Variants in ILDR1 observed in about 807,000 individuals in gnomAD.
The protein encoded by ILDR1 is immunoglobulin like domain containing receptor 1.
ILDR1 carries 56 observed loss-of-function variants against 62.4 expected under a neutral mutation model. The ratio of observed to expected loss-of-function variants is 0.90; its 90% CI spans 0.72 to 1.12. ILDR1 has a LOEUF of 1.12. Among genes scored for constraint, ILDR1 ranks in the 50% most tolerant of loss-of-function variants. The pLI, the probability that ILDR1 is intolerant of heterozygous loss-of-function variation, is 0.00. For synonymous variants in ILDR1, 284 were observed against 277.8 expected (o/e 1.02, Z -0.22); for missense variants, 736 against 710.6 (o/e 1.04, Z -0.41).
chr3:121,992,026 T>C (rs1048324630), intron 7 of ILDR1, among the ~76,000 whole-genome samples: 2 of 152,260 alleles, frequency 1.3e-5, no homozygotes, highest in African/African-American at 4.8e-5. Flanking sequence ...AAGATCTTCA[T>C]GGGTAGCCTG....
At chr3:121,997,393 T>C (rs1806655) in intron 5 of ILDR1, among the ~76,000 whole-genome samples, 18,323 of 152,246 alleles carry the variant, frequency 0.12, 1,192 homozygotes, top group Middle Eastern at 0.22. Context: ...AACCAGGCAA[T>C]TGACCTCAAA....
At chr3:121,999,390 T>C (rs1294378184) in intron 5 of ILDR1, among the ~76,000 whole-genome samples, 1 of 152,224 alleles carries the variant, frequency 6.6e-6, no homozygotes, top group Non-Finnish European at 1.5e-5. Context: ...TTTAAAGCAG[T>C]TGGTGCTATT....
At chr3:122,041,376 C>T in the ILDR1 span, among the ~76,000 whole-genome samples, 5 of 152,194 alleles carry the variant, frequency 3.3e-5, no homozygotes, top group Non-Finnish European at 5.9e-5. Context: ...CCCTGTCTTG[C>T]CCTTCTGCCT....
rs531095562 is a variant in ILDR1, at chr3:122,001,237, C to T, written c.646+71G>A. The T allele has an allele frequency of 5.4e-5, 84 of 1,561,620 alleles. 1 individual carries two copies. In the African/African-American group the frequency reaches 1.0e-3, roughly 19 times the overall value. ...ACCTGGAAGAATCTTTGACCTGGCACTTGAAGCTGATCTGCTTGACGTCCT... is the reference window on the plus strand; with the variant it reads ...ACCTGGAAGAATCTTTGACCTGGCATTTGAAGCTGATCTGCTTGACGTCCT... On this transcript the variant is annotated intron_variant, in intron 5 of 7. Transcript: ENST00000344209.
chr3:122,028,434 A>C, the ILDR1 span, among the ~76,000 whole-genome samples: 4 of 152,140 alleles, frequency 2.6e-5, no homozygotes, highest in Admixed American at 2.6e-4. Flanking sequence ...AAGGAAAAAC[A>C]GTTTGTTATT....
At chr3:122,060,599 G>A in the ILDR1 span, among the ~76,000 whole-genome samples, 1,707 of 151,894 alleles carry the variant, frequency 0.011, 30 homozygotes, top group African/African-American at 0.038. Flanking sequence ...ACCAGTCTGA[G>A]CAACATAGCG....
At chr3:122,060,101 C>A in the ILDR1 span, among the ~76,000 whole-genome samples, 1 of 152,146 alleles carries the variant, frequency 6.6e-6, no homozygotes, top group Non-Finnish European at 1.5e-5. Context: ...AGAGTGCATA[C>A]AGCCAGAGAA....
chr3:122,026,159 A>G (rs1484513997), upstream of ILDR1, among the ~76,000 whole-genome samples: 2 of 152,236 alleles, frequency 1.3e-5, no homozygotes, highest in Non-Finnish European at 2.9e-5. Context: ...GACTTCATGC[A>G]GGAGACAATG....
At chr3:122,014,999 A>G (rs182340351) in intron 1 of ILDR1, among the ~76,000 whole-genome samples, 2 of 152,134 alleles carry the variant, frequency 1.3e-5, no homozygotes, top group Admixed American at 6.5e-5. Flanking sequence ...TTGAGTACAC[A>G]CTCTGAGCCA....
At chr3:121,988,450 G>A in intron 7 of ILDR1, 42 bp from the exon 8 acceptor site, 1 of 1,527,464 alleles carries the variant, frequency 6.5e-7, no homozygotes, top group Non-Finnish European at 9.1e-7. Context: ...AATCCAGTCA[G>A]TGCAATCCGT....
At chr3:122,049,595 C>G in the ILDR1 span, among the ~76,000 whole-genome samples, 36 of 152,208 alleles carry the variant, frequency 2.4e-4, no homozygotes, top group East Asian at 6.9e-3. Context: ...TTATATCTTT[C>G]TGGTGAATTG....
At chr3:121,997,691 A>G (rs2071457309) in intron 5 of ILDR1, among the ~76,000 whole-genome samples, 1 of 152,112 alleles carries the variant, frequency 6.6e-6, no homozygotes, top group Non-Finnish European at 1.5e-5. Flanking sequence ...GGGGCAGGAG[A>G]GATCAGAGAG....
At chr3:122,044,996 T>G in the ILDR1 span, among the ~76,000 whole-genome samples, 323 of 150,672 alleles carry the variant, frequency 2.1e-3, no homozygotes, top group Non-Finnish European at 3.8e-3. Context: ...TCTAGTTCTT[T>G]TAATTGTGAT....
chr3:122,055,478 G>T, the ILDR1 span: 1 of 1,613,932 alleles, frequency 6.2e-7, no homozygotes, highest in Non-Finnish European at 8.5e-7. Flanking sequence ...GGTCACAGCA[G>T]AAGCAGCCAA....
chr3:122,035,931 G>A, the ILDR1 span, among the ~76,000 whole-genome samples: 1 of 152,208 alleles, frequency 6.6e-6, no homozygotes, highest in Admixed American at 6.5e-5. Flanking sequence ...GGAGGGCTCA[G>A]AAGAAGATAG....
the ILDR1 span, among the ~76,000 whole-genome samples, chr3:122,056,895 A>G: frequency 2.6e-5 from 4 of 152,206 alleles, no homozygotes; most frequent in South Asian, 2.1e-4. Context: ...GCAGAGGTCT[A>G]AAAAACCATA....
the ILDR1 span, among the ~76,000 whole-genome samples, chr3:122,046,646 C>G: frequency 3.3e-5 from 5 of 151,120 alleles, no homozygotes; most frequent in East Asian, 9.7e-4. Context: ...CTAAACTTTC[C>G]TTCTCGCTTC....
At chr3:122,047,265 A>T in the ILDR1 span, among the ~76,000 whole-genome samples, 2 of 152,148 alleles carry the variant, frequency 1.3e-5, no homozygotes, top group African/African-American at 4.8e-5. Context: ...TTGAGAAGGC[A>T]GTCTGCCGGT....
At chr3:122,031,181 C>T in the ILDR1 span, among the ~76,000 whole-genome samples, 1 of 152,154 alleles carries the variant, frequency 6.6e-6, no homozygotes, top group Non-Finnish European at 1.5e-5. Flanking sequence ...CAAGTAGCTG[C>T]ATAACTCTAA....
Sources: gnomAD v4.1 joint callset for allele counts (sites outside exome capture counted in the v4.1 genomes callset) on GRCh38, gnomAD v4.1.1 for gene constraint, MANE v1.5 for transcripts, NCBI Gene and HGNC (gene_info 2026-07-23, HGNC 2026-07-21) for gene names.